The following ZNF418 variants were observed in gnomAD, a reference collection of about 807,000 sequenced individuals.
ZNF418 encodes the protein zinc finger protein 418.
ZNF418 carries 32 observed loss-of-function variants against 32.0 expected under a neutral mutation model. That is an observed-to-expected ratio of 1.00 (90% CI 0.75 to 1.34). The LOEUF (loss-of-function observed/expected upper bound fraction) is 1.34, where lower values mean the gene tolerates loss of function less well. ZNF418 is among the 40% of genes most tolerant of loss of function. ZNF418 has a pLI of 0.00. For missense variants in ZNF418, 804 were observed against 812.5 expected (o/e 0.99, Z 0.13); for synonymous variants, 276 against 270.7 (o/e 1.02, Z -0.19).
In ZNF418 at chr19:57,935,196, C is replaced by G. The variant is rs1197008032; in HGVS notation, c.-116G>C. The G allele has an allele frequency of 2.3e-6, 3 of 1,298,676 alleles. No individual in the cohort carries two copies. The highest frequency in any genetic ancestry group is 2.7e-5 in the Admixed American group (1 of 37,474). The allele number at this position is 1,298,676 out of a possible 1,614,324, so 80.4% of individuals were successfully genotyped here. On this transcript the variant is annotated 5_prime_UTR_variant, in exon 1 of 6. Coordinates refer to ENST00000396147, the MANE Select transcript of ZNF418 (RefSeq NM_133460.3). Reference sequence around the variant, plus strand: ...AGCCTCAGCGCGGCCGCCGCCATCCCGAGTACGCGGGGAAAGCACTGCCGG... The same window carrying G: ...AGCCTCAGCGCGGCCGCCGCCATCCGGAGTACGCGGGGAAAGCACTGCCGG...
At position 57,922,511 on chromosome 19, in the gene ZNF418, AAG is replaced by A. The variant is rs1346346107; in HGVS notation, c.*742_*743del. ...TTCTGTAAGGAAATGCTTGAACCCAAAGAGAGAACATGCAGATCATAATCAGT... is the reference window on the plus strand; with the variant it reads ...TTCTGTAAGGAAATGCTTGAACCCAAAGAGAACATGCAGATCATAATCAGT... On this transcript the variant is annotated 3_prime_UTR_variant, in exon 6 of 6. Transcript: ENST00000396147. 1 of 398,294 alleles carries A rather than the reference AAG, an allele frequency of 2.5e-6. No individual in the cohort carries two copies. The highest frequency in any genetic ancestry group is 4.4e-6 in the Non-Finnish European group (1 of 225,998). The allele number at this position is 398,294 out of a possible 1,614,324, so 24.7% of individuals were successfully genotyped here. A position where few individuals can be genotyped will look rare whatever the true frequency, so the allele number is the denominator to read the frequency against.
chr19:57,927,936 T>C lies in ZNF418; in HGVS notation c.245A>G (p.His82Arg). Reference sequence around the variant, plus strand: ...GATCGCGCCACACATTTCACAAGAGTGGGCCTTCTTGGGAGACACACCTGC... The same window carrying C: ...GATCGCGCCACACATTTCACAAGAGCGGGCCTTCTTGGGAGACACACCTGC... ...PGAGVSPKKA[H>R]SCEMCGAILG... The change falls in exon 4 of 6, where the codon CAC (histidine) becomes CGC (arginine). Residue 82 changes from histidine (H) to arginine (R), a missense_variant. This residue lies in a region of ZNF418 where 307 missense variants were observed against 304.9 expected (regional missense o/e 1.01). Coordinates refer to ENST00000396147, the MANE Select transcript of ZNF418 (RefSeq NM_133460.3). 1 of 1,613,612 alleles carries C rather than the reference T, an allele frequency of 6.2e-7. No individual in the cohort carries two copies. Among genetic ancestry groups the C allele is most frequent in the Non-Finnish European group, 8.5e-7 (1 of 1,179,792 alleles).
intron 4 of ZNF418, 110 bp downstream of exon 4, chr19:57,925,513 G>A (rs987611062): frequency 6.6e-6 from 1 of 152,124 alleles, no homozygotes; most frequent in African/African-American, 2.4e-5. Context: ...GAAAAAGGTA[G>A]TCCATCTTTT....
chr19:57,926,608 G>C lies in ZNF418; in HGVS notation c.1573C>G (p.Leu525Val). 6.2e-7 allele frequency: 1 copy of C among 1,614,070 alleles called. No individual in the cohort carries two copies. Among genetic ancestry groups the C allele is most frequent in the South Asian group, 1.1e-5 (1 of 91,082 alleles). ...CGKSFPQSCS[L>V]LRHRRVHTGE... ...GTATGAACTCTCCGATGTCGAAGGA[G>C]GGAACAGCTTTGAGGAAATGACTTC... Residue 525 changes from leucine to valine, a missense_variant, in exon 4 of 6, where the codon CTC (leucine) becomes GTC (valine). Physicochemically the swap from Leu to Val is conservative, Grantham distance 32. This residue lies in a region of ZNF418 where 475 missense variants were observed against 458.6 expected (regional missense o/e 1.04). Coordinates refer to ENST00000396147, the MANE Select transcript of ZNF418 (RefSeq NM_133460.3).
At position 57,926,614 on chromosome 19, in the gene ZNF418, A is replaced by G. The variant is rs775680787; in HGVS notation, c.1567T>C (p.Cys523Arg). Residue 523 changes from cysteine (C) to arginine (R), a missense_variant, in exon 4 of 6, where the codon TGT becomes CGT. Transcript: ENST00000396147. ...SECGKSFPQS[C>R]SLLRHRRVHT... ...ACTCTCCGATGTCGAAGGAGGGAACAGCTTTGAGGAAATGACTTCCCACAT... is the reference window on the plus strand; with the variant it reads ...ACTCTCCGATGTCGAAGGAGGGAACGGCTTTGAGGAAATGACTTCCCACAT... The G allele has an allele frequency of 3.7e-6, 6 of 1,613,842 alleles. No individual in the cohort carries two copies. The highest frequency in any genetic ancestry group is 5.1e-6 in the Non-Finnish European group (6 of 1,179,984).
At chr19:57,928,854 C>T (rs1300243485) in intron 3 of ZNF418, among the ~76,000 whole-genome samples, 4 of 151,842 alleles carry the variant, frequency 2.6e-5, no homozygotes, top group East Asian at 3.9e-4. Flanking sequence ...ATTAGCCGGG[C>T]GTGGTGGCGG....
At chr19:57,923,855 C>T (rs1441571217) in intron 4 of ZNF418, among the ~76,000 whole-genome samples, 2 of 152,050 alleles carry the variant, frequency 1.3e-5, no homozygotes, top group Non-Finnish European at 2.9e-5. Flanking sequence ...GGATTACAGG[C>T]GTGAGCCACC....
chr19:57,922,880 T>A (rs1004355935), intron 5 of ZNF418, among the ~76,000 whole-genome samples: 2 of 151,548 alleles, frequency 1.3e-5, no homozygotes, highest in East Asian at 3.9e-4. Flanking sequence ...CACATGCCTG[T>A]CCCTAGCAAC....
chr19:57,922,448 A>G lies in ZNF418; in HGVS notation c.*807T>C, dbSNP rs1014369485. 3.0e-5 allele frequency: 12 copies of G among 396,978 alleles called. No homozygotes were observed. Among genetic ancestry groups the G allele is most frequent in the Admixed American group, 4.4e-5 (1 of 22,678 alleles). The allele number at this position is 396,978 out of a possible 1,614,324, so 24.6% of individuals were successfully genotyped here. ...GAAATTCTCCAAGAGGGAGTTACCAATTCAACACATATTTACCCATGACTT... is the reference window on the plus strand; with the variant it reads ...GAAATTCTCCAAGAGGGAGTTACCAGTTCAACACATATTTACCCATGACTT... On this transcript the variant is annotated 3_prime_UTR_variant, in exon 6 of 6. Coordinates refer to ENST00000396147, the MANE Select transcript of ZNF418 (RefSeq NM_133460.3).
In ZNF418 at chr19:57,933,828, C is replaced by T; in HGVS notation, c.-6G>A. The T allele has an allele frequency of 6.2e-7, 1 of 1,614,120 alleles. No homozygotes were observed. Among genetic ancestry groups the T allele is most frequent in the Non-Finnish European group, 8.5e-7 (1 of 1,180,028 alleles). ...CCAGTAACCCTCACCTGCATTATGG[C>T]AGGAGTTTAAACTCTGATCCTCCTT... On this transcript the variant is annotated 5_prime_UTR_variant, in exon 2 of 6. Coordinates refer to ENST00000396147, the MANE Select transcript of ZNF418 (RefSeq NM_133460.3).
Position 57,926,287 on chromosome 19 carries a change from A to G in ZNF418, c.1894T>C (p.Phe632Leu). Reference sequence around the variant, plus strand: ...ACTCTCCTGTGTTCAGTAAGACTGAAGGTTTCAGCAAAGGATTTCCCACAT... The same window carrying G: ...ACTCTCCTGTGTTCAGTAAGACTGAGGGTTTCAGCAAAGGATTTCCCACAT... Reference protein sequence around the residue: ...SECGKSFAETFSLTEHRRVHT... With the variant: ...SECGKSFAETLSLTEHRRVHT... The change falls in exon 4 of 6, where the codon TTC becomes CTC. Residue 632 changes from phenylalanine to leucine, a missense_variant. Coordinates refer to ENST00000396147, the MANE Select transcript of ZNF418 (RefSeq NM_133460.3). 6.2e-7 allele frequency: 1 copy of G among 1,612,280 alleles called. No individual in the cohort carries two copies. Among genetic ancestry groups the G allele is most frequent in the Non-Finnish European group, 8.5e-7 (1 of 1,179,246 alleles).
chr19:57,926,116 A>C lies in ZNF418; in HGVS notation c.*34T>G. On this transcript the variant is annotated 3_prime_UTR_variant, in exon 4 of 6. Transcript: ENST00000396147. ...GAACCCTCTGATCAAGAAGATGCACAGAGGTTTAGCTAAAGAATTTCCCAA... is the reference window on the plus strand; with the variant it reads ...GAACCCTCTGATCAAGAAGATGCACCGAGGTTTAGCTAAAGAATTTCCCAA... 2 of 1,554,764 alleles carry C rather than the reference A, an allele frequency of 1.3e-6. No individual in the cohort carries two copies. Among genetic ancestry groups the C allele is most frequent in the Non-Finnish European group, 1.8e-6 (2 of 1,140,932 alleles).
intron 1 of ZNF418, chr19:57,934,221 C>A: frequency 1.9e-6 from 2 of 1,068,134 alleles, no homozygotes; most frequent in Non-Finnish European, 2.3e-6. Flanking sequence ...CCCTCTAATT[C>A]CCTCTGTGGG....
rs200164600 is a variant in ZNF418 at position 57,926,386 on chromosome 19, T to C, written c.1795A>G (p.Thr599Ala). Reference sequence around the variant, plus strand: ...AAATGCGCAGACCTTCGAGTAAATGTTTTTCCACATTCCCTGCATTCATAA... The same window carrying C: ...AAATGCGCAGACCTTCGAGTAAATGCTTTTCCACATTCCCTGCATTCATAA... ...RPYECRECGK[T>A]FTRRSAHFKH... The change falls in exon 4 of 6, where the codon ACA (threonine) becomes GCA (alanine). Residue 599 changes from threonine (T) to alanine (A), a missense_variant. This residue lies in a region of ZNF418 where 475 missense variants were observed against 458.6 expected (regional missense o/e 1.04). Coordinates refer to ENST00000396147, the MANE Select transcript of ZNF418 (RefSeq NM_133460.3). 1.9e-5 allele frequency: 31 copies of C among 1,592,164 alleles called. 1 individual carries two copies. Among genetic ancestry groups the C allele is most frequent in the Non-Finnish European group, 2.5e-5 (29 of 1,163,116 alleles).
rs1021007546 is a variant in ZNF418, at chr19:57,922,268, C to T, written c.*987G>A. The T allele has an allele frequency of 2.8e-5, 7 of 247,694 alleles. No individual in the cohort carries two copies. The highest frequency in any genetic ancestry group is 1.6e-4 in the African/African-American group (7 of 44,962). 15.3% of individuals were successfully genotyped at this position (247,694 alleles called of 1,614,324 possible). A position where few individuals can be genotyped will look rare whatever the true frequency, so the allele number is the denominator to read the frequency against. On this transcript the variant is annotated 3_prime_UTR_variant, in exon 6 of 6. Coordinates refer to ENST00000396147, the MANE Select transcript of ZNF418 (RefSeq NM_133460.3). The stretch of plus-strand genomic sequence containing the variant: ...TAAAGGCATGAGTCCCTGTACATGA[C>T]GAGATGGGCTTTTATTAACCTCTTT...
intron 3 of ZNF418, among the ~76,000 whole-genome samples, chr19:57,928,794 C>T (rs1274356131): frequency 6.6e-6 from 1 of 151,924 alleles, no homozygotes; most frequent in African/African-American, 2.4e-5. Flanking sequence ...GAGATCGAGA[C>T]CATCCTGGCT....
In ZNF418 at chr19:57,926,738, T is replaced by C. The variant is rs757802758; in HGVS notation, c.1443A>G (p.Pro481=). ...EHQRVHTGER[P]YECNECGKSF... Reference sequence around the variant, plus strand: ...ATTTCCCACATTCATTACATTCATATGGCCTTTCTCCAGTGTGAACTCTCT... The same window carrying C: ...ATTTCCCACATTCATTACATTCATACGGCCTTTCTCCAGTGTGAACTCTCT... Residue 481 remains proline, a synonymous_variant, in exon 4 of 6, where the codon CCA becomes CCG. Transcript: ENST00000396147. 211 of 1,612,634 alleles carry C rather than the reference T, an allele frequency of 1.3e-4. 2 individuals are homozygous for C. In the East Asian group the frequency reaches 4.7e-3, roughly 36 times the overall value.
intron 1 of ZNF418, chr19:57,934,212 C>G: frequency 9.2e-7 from 1 of 1,089,830 alleles, no homozygotes; most frequent in South Asian, 3.3e-5. Flanking sequence ...AATGGAACAC[C>G]CTCTAATTCC....
At chr19:57,935,105 T>C in intron 1 of ZNF418, 56 bp downstream of exon 1, 2 of 1,277,556 alleles carry the variant, frequency 1.6e-6, no homozygotes, top group Non-Finnish European at 2.0e-6. Context: ...GCTCTCTCGC[T>C]GCTTCAGGAT....
Sources: gnomAD v4.1 joint callset for allele counts (sites outside exome capture counted in the v4.1 genomes callset) on GRCh38, gnomAD v4.1.1 for gene constraint, gnomAD v4.1.1 regional missense constraint, MANE v1.5 for transcripts, NCBI Gene and HGNC (gene_info 2026-07-23, HGNC 2026-07-21) for gene names.